Variants in TRIM4 observed in about 807,000 individuals in gnomAD.
TRIM4 encodes tripartite motif containing 4.
TRIM4 carries 29 observed loss-of-function variants against 33.7 expected under a neutral mutation model. That is an observed-to-expected ratio of 0.86 (90% CI 0.64 to 1.17). The LOEUF (loss-of-function observed/expected upper bound fraction) is 1.17. Among genes scored for constraint, TRIM4 ranks in the 50% most tolerant of loss-of-function variants. TRIM4 has a pLI of 0.00. For missense variants in TRIM4, 554 were observed against 593.7 expected (o/e 0.93, Z 0.69); for synonymous variants, 224 against 233.0 (o/e 0.96, Z 0.35).
chr7:99,918,410 C>T (rs935704708), intron 1 of TRIM4, among the ~76,000 whole-genome samples: 1 of 151,964 alleles, frequency 6.6e-6, no homozygotes, highest in Non-Finnish European at 1.5e-5. Context: ...TACTAAAAAA[C>T]AAAAATTAAC....
intron 5 of TRIM4, chr7:99,902,123 C>T (rs771789934): frequency 1.6e-5 from 12 of 765,148 alleles, no homozygotes; most frequent in African/African-American, 1.5e-4. Context: ...GCTTTGAAAA[C>T]GGTTGTTTCA....
rs1287136721 is a variant in TRIM4, at chr7:99,892,528, G to A, written c.1060C>T (p.His354Tyr). The A allele has an allele frequency of 6.2e-7, 1 of 1,614,092 alleles. No individual in the cohort carries two copies. Reference protein sequence around the residue: ...LGKNVFTSGKHYWEVESRDSL... With the variant: ...LGKNVFTSGKYYWEVESRDSL... ...TCTCTACTCTCAACTTCCCAGTAATGTTTCCCTGAGGTGAAAACGTTTTTT... is the reference window on the plus strand; with the variant it reads ...TCTCTACTCTCAACTTCCCAGTAATATTTCCCTGAGGTGAAAACGTTTTTT... The change falls in exon 6 of 6, where the codon CAT (histidine) becomes TAT (tyrosine). Residue 354 changes from histidine to tyrosine, a missense_variant. His to Tyr is a moderately conservative substitution (Grantham distance 83, BLOSUM62 2). Around this residue, in one of 3 missense-constraint regions of TRIM4, gnomAD observed 290 missense variants for 335.8 expected, o/e 0.86. Coordinates refer to ENST00000349062, the MANE Select transcript of TRIM4 (RefSeq NM_033091.3).
At chr7:99,892,835 T>C in intron 5 of TRIM4, 89 bp from the exon 6 acceptor site, 1 of 1,147,220 alleles carries the variant, frequency 8.7e-7, no homozygotes, top group Non-Finnish European at 1.2e-6. Flanking sequence ...CAGTTTCATC[T>C]TTCTCCTCCT....
intron 3 of TRIM4, among the ~76,000 whole-genome samples, chr7:99,904,300 A>G (rs1200117192): frequency 6.6e-6 from 1 of 152,192 alleles, no homozygotes; most frequent in Non-Finnish European, 1.5e-5. Context: ...TAATCAAGAA[A>G]AAAACAGACA....
In TRIM4 at chr7:99,892,342, C is replaced by G. The variant is rs778045965; in HGVS notation, c.1246G>C (p.Ala416Pro). The change falls in exon 6 of 6, where the codon GCT becomes CCT. Residue 416 changes from alanine to proline, a missense_variant. Physicochemically the swap from Ala to Pro is conservative, Grantham distance 27. Around this residue, in one of 3 missense-constraint regions of TRIM4, gnomAD observed 290 missense variants for 335.8 expected, o/e 0.86. Coordinates refer to ENST00000349062, the MANE Select transcript of TRIM4 (RefSeq NM_033091.3). ...FPGTPTQQEPALHRVGVYLDR... is the reference protein window; with the variant it reads ...FPGTPTQQEPPLHRVGVYLDR... Reference sequence around the variant, plus strand: ...AGGTAAACCCCCACTCGGTGGAGAGCTGGCTCTTGCTGGGTGGGAGTTCCA... The same window carrying G: ...AGGTAAACCCCCACTCGGTGGAGAGGTGGCTCTTGCTGGGTGGGAGTTCCA... 1.2e-6 allele frequency: 2 copies of G among 1,614,062 alleles called. No individual in the cohort carries two copies. Among genetic ancestry groups the G allele is most frequent in the East Asian group, 2.2e-5 (1 of 44,884 alleles).
At position 99,891,847 on chromosome 7, in the gene TRIM4, C is replaced by A. The variant is rs922643106; in HGVS notation, c.*316G>T. 4.1e-6 allele frequency: 1 copy of A among 244,822 alleles called. No individual in the cohort carries two copies. Among genetic ancestry groups the A allele is most frequent in the Non-Finnish European group, 7.9e-6 (1 of 126,760 alleles). The allele number at this position is 244,822 out of a possible 1,614,324, so 15.2% of individuals were successfully genotyped here. A position where few individuals can be genotyped will look rare whatever the true frequency, so the allele number is the denominator to read the frequency against. ...AAAAACTCTGTTTCTTCTACCTTTCCACCATTCCTGTGTTCTCAGTTCCAA... is the reference window on the plus strand; with the variant it reads ...AAAAACTCTGTTTCTTCTACCTTTCAACCATTCCTGTGTTCTCAGTTCCAA... On this transcript the variant is annotated 3_prime_UTR_variant, in exon 6 of 6. Transcript: ENST00000349062.
chr7:99,910,177 C>T (rs1477572596), intron 1 of TRIM4, among the ~76,000 whole-genome samples: 10 of 152,130 alleles, frequency 6.6e-5, no homozygotes, highest in Non-Finnish European at 1.2e-4. Context: ...GGTAAGTTAG[C>T]AAAAACTAAA....
In TRIM4 at chr7:99,909,561, T is replaced by C. The variant is rs1363235805; in HGVS notation, c.489+4A>G. Reference sequence around the variant, plus strand: ...AAGAAATATCCAACCACTTCTGCCATTACCTTCCACTGTGTGGCGTTCTTC... The same window carrying C: ...AAGAAATATCCAACCACTTCTGCCACTACCTTCCACTGTGTGGCGTTCTTC... On this transcript the variant is annotated splice_donor_region_variant and intron_variant, in intron 2 of 5. Coordinates refer to ENST00000349062, the MANE Select transcript of TRIM4 (RefSeq NM_033091.3). 3.1e-6 allele frequency: 5 copies of C among 1,613,078 alleles called. No homozygotes were observed. The highest frequency in any genetic ancestry group is 4.2e-6 in the Non-Finnish European group (5 of 1,179,556).
chr7:99,910,492 A>G (rs765054352), intron 1 of TRIM4, among the ~76,000 whole-genome samples: 3 of 152,200 alleles, frequency 2.0e-5, no homozygotes, highest in South Asian at 2.1e-4. Context: ...GAAATACACA[A>G]TAAGTTGAAA....
intron 1 of TRIM4, among the ~76,000 whole-genome samples, chr7:99,917,312 G>C (rs1819577404): frequency 6.6e-6 from 1 of 152,244 alleles, no homozygotes; most frequent in South Asian, 2.1e-4. Context: ...GTTACTGAGT[G>C]AAGGAATGAA....
intron 1 of TRIM4, 46 bp from the exon 2 acceptor site, chr7:99,909,706 T>C: frequency 6.3e-6 from 6 of 958,410 alleles, no homozygotes; most frequent in East Asian, 2.5e-5. Flanking sequence ...TCTCCAACCA[T>C]CATCATCTTC....
At chr7:99,902,196 GTTTA>G (rs780802219) in intron 5 of TRIM4, 2 of 762,342 alleles carry the variant, frequency 2.6e-6, no homozygotes, top group Admixed American at 3.4e-5. Context: ...AAAACAACTC[GTTTA>G]TTTACTCCAT....
intron 1 of TRIM4, among the ~76,000 whole-genome samples, chr7:99,916,393 C>A (rs1209228244): frequency 6.6e-6 from 1 of 152,194 alleles, no homozygotes; most frequent in East Asian, 1.9e-4. Context: ...TTATCTCTAG[C>A]CTCCAAGGCA....
At chr7:99,892,940 C>T (rs1190469952) in intron 5 of TRIM4, among the ~76,000 whole-genome samples, 194 bp from the exon 6 acceptor site, 1 of 152,158 alleles carries the variant, frequency 6.6e-6, no homozygotes, top group African/African-American at 2.4e-5. Context: ...TCCTCATTTC[C>T]CTTCTGCTCT....
At chr7:99,918,880 T>C in intron 1 of TRIM4, 129 bp downstream of exon 1, 2 of 1,226,266 alleles carry the variant, frequency 1.6e-6, no homozygotes, top group Non-Finnish European at 2.2e-6. Flanking sequence ...TTAACTTCTT[T>C]GAGTTTCAGG....
At chr7:99,897,967 T>C (rs1341835977) in intron 5 of TRIM4, among the ~76,000 whole-genome samples, 1 of 152,228 alleles carries the variant, frequency 6.6e-6, no homozygotes, top group Non-Finnish European at 1.5e-5. Context: ...CTTCACCAAC[T>C]GGGTGCACAT....
intron 3 of TRIM4, among the ~76,000 whole-genome samples, chr7:99,906,916 T>C (rs1250553024): frequency 6.6e-6 from 1 of 152,150 alleles, no homozygotes; most frequent in Non-Finnish European, 1.5e-5. Context: ...TGCAGCATTA[T>C]TTGTAGTGGT....
rs1375898618 is a variant in TRIM4, at chr7:99,892,382, G to A, written c.1206C>T (p.Pro402=). The A allele has an allele frequency of 6.2e-7, 1 of 1,613,994 alleles. No individual in the cohort carries two copies. Among genetic ancestry groups the A allele is most frequent in the Non-Finnish European group, 8.5e-7 (1 of 1,180,004 alleles). The part of the protein sequence containing the change: ...AIYWSAAGYW[P]LIGFPGTPTQ... Reference sequence around the variant, plus strand: ...TGGGAGTTCCAGGGAAGCCTATCAAGGGCCAATAGCCAGCAGCACTCCAAT... The same window carrying A: ...TGGGAGTTCCAGGGAAGCCTATCAAAGGCCAATAGCCAGCAGCACTCCAAT... The change falls in exon 6 of 6, where the codon CCC becomes CCT. Residue 402 remains proline, a synonymous_variant. Coordinates refer to ENST00000349062, the MANE Select transcript of TRIM4 (RefSeq NM_033091.3).
intron 1 of TRIM4, among the ~76,000 whole-genome samples, chr7:99,918,324 T>C (rs780029838): frequency 6.6e-6 from 1 of 152,186 alleles, no homozygotes; most frequent in Non-Finnish European, 1.5e-5. Flanking sequence ...CCCAGCACTA[T>C]GGGAGGCCAA....
Sources: allele counts gnomAD v4.1 joint callset (sites outside exome capture counted in the v4.1 genomes callset), GRCh38; gene constraint gnomAD v4.1.1; regional missense constraint gnomAD v4.1.1; transcripts MANE v1.5; gene names NCBI Gene and HGNC (gene_info 2026-07-23, HGNC 2026-07-21).